Variants in IGDCC4 observed in about 807,000 individuals in gnomAD.
The protein encoded by IGDCC4 is likely ortholog of mouse neighbor of Punc E11.
In IGDCC4, 72 loss-of-function variants were observed where a neutral mutation model predicts 116.6. That is an observed-to-expected ratio of 0.62 (90% CI 0.51 to 0.75). IGDCC4 has a LOEUF of 0.75. Ranked by LOEUF, IGDCC4 falls within the 30% of genes least tolerant of loss-of-function variation. The probability of loss-of-function intolerance (pLI) is 0.00; values close to 1 mark genes in which losing one functional copy is unlikely to be tolerated. For synonymous variants in IGDCC4, 709 were observed against 719.9 expected (o/e 0.98, Z 0.24); for missense variants, 1,501 against 1,662.4 (o/e 0.90, Z 1.69).
intron 3 of IGDCC4, among the ~76,000 whole-genome samples, chr15:65,405,912 T>C (rs1396580838): frequency 6.6e-6 from 1 of 152,158 alleles, no homozygotes; most frequent in African/African-American, 2.4e-5. Flanking sequence ...GCCCCGAGGA[T>C]TAAAGAACAC....
At chr15:65,413,709 G>A (rs1393834025) in intron 1 of IGDCC4, among the ~76,000 whole-genome samples, 3 of 152,186 alleles carry the variant, frequency 2.0e-5, no homozygotes, top group African/African-American at 7.2e-5. Flanking sequence ...AGGCAGAATG[G>A]CATGTCTGAG....
chr15:65,392,048 C>T, intron 11 of IGDCC4, 67 bp from the exon 12 acceptor site: 21 of 1,540,216 alleles, frequency 1.4e-5, no homozygotes, highest in Non-Finnish European at 1.9e-5. Flanking sequence ...CCACAGAGAG[C>T]ATCCCATCTC....
chr15:65,384,989 G>A lies in IGDCC4; in HGVS notation c.3307C>T (p.Leu1103=). The change falls in exon 19 of 20, where the codon CTG becomes TTG. Residue 1103 remains leucine, a synonymous_variant. Coordinates refer to ENST00000352385, the MANE Select transcript of IGDCC4 (RefSeq NM_020962.3). This position sits in a 1 kb window ranked among gnomAD's most constrained non-coding sequence, Gnocchi z 4.9. ...TCGTACACCAGAGCCTGCAGCAACA[G>A]CGTCTGCCCAGTTCCAGCAGGGGGC... ...LLPPAGTGQT[L]LLQALVYDAI... is the part of the protein sequence containing the mutation. 1 of 1,611,804 alleles carries A rather than the reference G, an allele frequency of 6.2e-7. No homozygotes were observed. Among genetic ancestry groups the A allele is most frequent in the East Asian group, 2.2e-5 (1 of 44,664 alleles).
chr15:65,414,453 T>C (rs1329834883), intron 1 of IGDCC4, among the ~76,000 whole-genome samples: 1 of 152,208 alleles, frequency 6.6e-6, no homozygotes, highest in Non-Finnish European at 1.5e-5. Flanking sequence ...CTTTTGACCT[T>C]GGGGAAGAAG....
At position 65,384,365 on chromosome 15, in the gene IGDCC4, C is replaced by T. The variant is rs1595773221; in HGVS notation, c.3397G>A (p.Val1133Ile). 1 of 1,556,140 alleles carries T rather than the reference C, an allele frequency of 6.4e-7. No homozygotes were observed. The highest frequency in any genetic ancestry group is 8.7e-7 in the Non-Finnish European group (1 of 1,152,284). ...PACRNQVEAEVIVHSDFSASN... is the reference protein window; with the variant it reads ...PACRNQVEAEIIVHSDFSASN... ...GCACTAAAGTCAGAGTGGACAATGA[C>T]TTCAGCCTCCACCTGGTTCCTGCAG... Residue 1133 changes from valine to isoleucine, a missense_variant, in exon 20 of 20, where the codon GTC becomes ATC. This residue lies in a region of IGDCC4 where 368 missense variants were observed against 355.6 expected (regional missense o/e 1.03). Transcript: ENST00000352385. The surrounding 1 kb of genome is among the most constrained non-coding windows in gnomAD (Gnocchi z 4.9).
In IGDCC4 at chr15:65,389,362, C is replaced by A; in HGVS notation, c.2458G>T (p.Glu820Ter). 1 of 1,614,180 alleles carries A rather than the reference C, an allele frequency of 6.2e-7. No individual in the cohort carries two copies. Among genetic ancestry groups the A allele is most frequent in the South Asian group, 1.1e-5 (1 of 91,088 alleles). ...ACGCCGTGAGACTGCACTGCAAACT[C>A]GTATTTGGTGAATGGCTTCAAGCCG... ...IGGLKPFTKYEFAVQSHGVDM... is the reference protein window; with the variant it reads ...IGGLKPFTKY Residue 820 changes from glutamate to a stop codon, truncating the protein, a stop_gained, in exon 14 of 20, where the codon GAG (glutamate) becomes TAG (stop). Transcript: ENST00000352385. LOFTEE classifies it high-confidence loss of function.
At chr15:65,398,940 C>T (rs1049489232) in intron 5 of IGDCC4, among the ~76,000 whole-genome samples, 9 of 152,146 alleles carry the variant, frequency 5.9e-5, no homozygotes, top group African/African-American at 1.7e-4. Context: ...TGCCCCTTCC[C>T]TGACTTAGTG....
intron 3 of IGDCC4, among the ~76,000 whole-genome samples, chr15:65,402,750 C>G (rs757247800): frequency 1.3e-5 from 2 of 152,080 alleles, no homozygotes; most frequent in Non-Finnish European, 2.9e-5. Context: ...GCCTGTAATC[C>G]CAGCTACTCC....
chr15:65,391,786 CT>C lies in IGDCC4; in HGVS notation c.2224+93del, dbSNP rs1402153102. The C allele has an allele frequency of 3.5e-6, 4 of 1,128,234 alleles. No individual in the cohort carries two copies. In the African/African-American group the frequency reaches 6.1e-5, roughly 17 times the overall value. 69.9% of individuals were successfully genotyped at this position (1,128,234 alleles called of 1,614,324 possible). A position where few individuals can be genotyped will look rare whatever the true frequency, so the allele number is the denominator to read the frequency against. On this transcript the variant is annotated intron_variant, in intron 12 of 19. Transcript: ENST00000352385. ...GCATGAGCTGAGGCTACTAAAGTAC[CT>C]GCTCACCAGGCTGGCCCAAAGGAAA...
Position 65,384,522 on chromosome 15 carries a change from A to G in IGDCC4, c.3343-103T>C. ...AGAAAGTCTGACCCTCCATCAGAGT[A>G]AGTATCACATGGGAGTCGGTGAAGG... On this transcript the variant is annotated intron_variant, in intron 19 of 19. Transcript: ENST00000352385. This position sits in a 1 kb window ranked among gnomAD's most constrained non-coding sequence, Gnocchi z 4.9. The G allele has an allele frequency of 8.6e-7, 1 of 1,164,158 alleles. No homozygotes were observed. The highest frequency in any genetic ancestry group is 1.2e-6 in the Non-Finnish European group (1 of 843,568). 72.1% of individuals were successfully genotyped at this position (1,164,158 alleles called of 1,614,324 possible).
At chr15:65,422,175 C>T (rs576583116) in intron 1 of IGDCC4, among the ~76,000 whole-genome samples, 25 of 152,190 alleles carry the variant, frequency 1.6e-4, no homozygotes, top group African/African-American at 5.5e-4. Flanking sequence ...CTAACCGGCC[C>T]CAGGGACCAC....
chr15:65,384,564 C>T lies in IGDCC4; in HGVS notation c.3343-145G>A, dbSNP rs1301168959. The T allele has an allele frequency of 2.5e-6, 2 of 807,266 alleles. No homozygotes were observed. The highest frequency in any genetic ancestry group is 3.7e-6 in the Non-Finnish European group (2 of 534,670). The allele number at this position is 807,266 out of a possible 1,614,324, so 50.0% of individuals were successfully genotyped here. ...CGGTGAAGGATACACAGGAACTGTT[C>T]GAACCTATACAAAGGCAGGGAATGA... On this transcript the variant is annotated intron_variant, in intron 19 of 19. Transcript: ENST00000352385. The surrounding 1 kb of genome is among the most constrained non-coding windows in gnomAD (Gnocchi z 4.9).
chr15:65,386,084 G>A (rs564485751), intron 17 of IGDCC4, 25 bp from the exon 18 acceptor site: 3 of 1,415,444 alleles, frequency 2.1e-6, no homozygotes, highest in South Asian at 2.9e-5. Context: ...GGAAAACAAG[G>A]CATAGCGGTC....
chr15:65,416,864 A>G (rs114014182), intron 1 of IGDCC4, among the ~76,000 whole-genome samples: 1,876 of 152,304 alleles, frequency 0.012, 29 homozygotes, highest in South Asian at 0.048. Flanking sequence ...ACTGGATTTT[A>G]TGAGGCCAAT....
intron 6 of IGDCC4, 60 bp downstream of exon 6, chr15:65,396,774 C>A (rs2062931307): frequency 6.5e-7 from 1 of 1,534,582 alleles, no homozygotes; most frequent in South Asian, 1.2e-5. Context: ...TCCACCTCCC[C>A]CTGCTCTATT....
intron 3 of IGDCC4, among the ~76,000 whole-genome samples, chr15:65,407,071 C>A (rs538569480): frequency 1.3e-5 from 2 of 152,244 alleles, no homozygotes; most frequent in African/African-American, 2.4e-5. Context: ...CTACCAGAGG[C>A]CTGTGTATCC....
At chr15:65,398,975 G>A (rs146511783) in intron 5 of IGDCC4, among the ~76,000 whole-genome samples, 49 of 152,300 alleles carry the variant, frequency 3.2e-4, no homozygotes, top group African/African-American at 9.9e-4. Context: ...AAAGAAAGCA[G>A]TACTTGGGGT....
At chr15:65,402,740 G>A (rs956512297) in intron 3 of IGDCC4, among the ~76,000 whole-genome samples, 1 of 152,164 alleles carries the variant, frequency 6.6e-6, no homozygotes, top group Non-Finnish European at 1.5e-5. Flanking sequence ...AGTGGTGCAT[G>A]CCTGTAATCC....
intron 13 of IGDCC4, 22 bp from the exon 14 acceptor site, chr15:65,389,433 C>T: frequency 6.2e-7 from 1 of 1,614,148 alleles, no homozygotes; most frequent in Non-Finnish European, 8.5e-7. Flanking sequence ...AGAAACGTGA[C>T]TAGTGCTCTC....
Sources: allele counts gnomAD v4.1 joint callset (sites outside exome capture counted in the v4.1 genomes callset), GRCh38; gene constraint gnomAD v4.1.1; regional missense constraint gnomAD v4.1.1; non-coding constraint Gnocchi (gnomAD v3.1); transcripts MANE v1.5; gene names NCBI Gene and HGNC (gene_info 2026-07-23, HGNC 2026-07-21).